ACKR2: variants seen among roughly 807,000 people sequenced by gnomAD.
The protein encoded by ACKR2 is atypical chemokine receptor 2, also known as C-C chemokine receptor D6.
For missense variants in ACKR2, 457 were observed against 477.3 expected (o/e 0.96, Z 0.40); for synonymous variants, 207 against 192.2 (o/e 1.08, Z -0.64).
At chr3:42,819,199 T>G (rs569877768) in intron 1 of ACKR2, among the ~76,000 whole-genome samples, 9 of 152,314 alleles carry the variant, frequency 5.9e-5, no homozygotes, top group Middle Eastern at 3.4e-3. Context: ...TAGGAAGACT[T>G]TGGTCTTTAT....
chr3:42,864,683 C>T lies in ACKR2; in HGVS notation c.181C>T (p.Leu61Phe), dbSNP rs564198715. 129 of 1,614,086 alleles carry T rather than the reference C, an allele frequency of 8.0e-5. No individual in the cohort carries two copies. The highest frequency in any genetic ancestry group is 1.1e-4 in the Non-Finnish European group (129 of 1,180,062). The part of the protein sequence containing the change: ...VFYSLIFVLG[L>F]SGNLLLLMVL... ...CTATAGCCTGATTTTTGTGTTGGGC[C>T]TCAGCGGGAACCTCCTTCTTCTCAT... is the stretch of plus-strand genomic sequence containing the variant. The change falls in exon 3 of 3, where the codon CTC becomes TTC. Residue 61 changes from leucine to phenylalanine, a missense_variant. By Grantham distance (22) the Leu-to-Phe change is conservative. Transcript: ENST00000422265.
chr3:42,837,341 G>A (rs567458163), intron 2 of ACKR2, among the ~76,000 whole-genome samples: 47 of 152,036 alleles, frequency 3.1e-4, no homozygotes, highest in Admixed American at 1.8e-3. Context: ...CTCAACCTCC[G>A]GAGTAGCTGG....
chr3:42,815,269 A>G (rs768824314), intron 1 of ACKR2, among the ~76,000 whole-genome samples: 7 of 152,222 alleles, frequency 4.6e-5, no homozygotes, highest in Non-Finnish European at 7.3e-5. Context: ...CATACTGTGT[A>G]TTGAGACCAT....
intron 1 of ACKR2, among the ~76,000 whole-genome samples, chr3:42,818,222 T>C (rs1209079119): frequency 6.6e-6 from 1 of 152,164 alleles, no homozygotes; most frequent in Non-Finnish European, 1.5e-5. Flanking sequence ...TCTCTACATC[T>C]CTCTCCGCAC....
chr3:42,824,454 C>G (rs1700841547), intron 2 of ACKR2, among the ~76,000 whole-genome samples: 1 of 152,156 alleles, frequency 6.6e-6, no homozygotes. Flanking sequence ...TGTCTAAAAT[C>G]AGAACATTTT....
intron 2 of ACKR2, among the ~76,000 whole-genome samples, chr3:42,842,137 C>A (rs1049518067): frequency 6.6e-6 from 1 of 152,186 alleles, no homozygotes; most frequent in Non-Finnish European, 1.5e-5. Flanking sequence ...AGGTTGAGGC[C>A]TTTCTGGGCA....
chr3:42,849,643 G>A (rs1701132193), intron 2 of ACKR2, among the ~76,000 whole-genome samples: 1 of 152,238 alleles, frequency 6.6e-6, no homozygotes, highest in Non-Finnish European at 1.5e-5. Flanking sequence ...AAAGGAAAGT[G>A]ATGGACAGAA....
rs2088413907 is a variant in ACKR2, at chr3:42,864,521, C to A, written c.19C>A (p.Pro7Thr). 1.2e-6 allele frequency: 2 copies of A among 1,604,724 alleles called. No homozygotes were observed. Among genetic ancestry groups the A allele is most frequent in the African/African-American group, 2.7e-5 (2 of 74,818 alleles). The change falls in exon 3 of 3, where the codon CCG (proline) becomes ACG (threonine). Residue 7 changes from proline to threonine, a missense_variant. By Grantham distance (38) the Pro-to-Thr change is conservative. Coordinates refer to ENST00000422265, the MANE Select transcript of ACKR2 (RefSeq NM_001296.5). MAATASPQPLATEDADS... is the reference protein window; with the variant it reads MAATASTQPLATEDADS... ...TTCCAACATGGCCGCCACTGCCTCT[C>A]CGCAGCCACTCGCCACTGAGGATGC...
intron 2 of ACKR2, among the ~76,000 whole-genome samples, chr3:42,828,092 A>ATATATATATATTTTTTTTTT (rs1193533555): frequency 8.2e-6 from 1 of 121,902 alleles, no homozygotes; most frequent in Non-Finnish European, 1.7e-5. Flanking sequence ...ATATATATAT[A>ATATATATATATTTTTTTTTT]TTTTTTTTTT....
At chr3:42,818,256 C>T (rs113383971) in intron 1 of ACKR2, among the ~76,000 whole-genome samples, 82 of 152,336 alleles carry the variant, frequency 5.4e-4, no homozygotes, top group Admixed American at 3.3e-3. Context: ...CTCCTAAATT[C>T]CCTGACGTGT....
Position 42,865,169 on chromosome 3 carries a change from C to G in ACKR2, c.667C>G (p.Leu223Val), listed in dbSNP as rs146146689. Residue 223 changes from leucine to valine, a missense_variant, in exon 3 of 3, where the codon CTC becomes GTC. Coordinates refer to ENST00000422265, the MANE Select transcript of ACKR2 (RefSeq NM_001296.5). ...GAACCTCCTAGGGTTTCTCCTTCCA[C>G]TCCTTGCCATGATCTTCTTCTACTC... ...QQNLLGFLLP[L>V]LAMIFFYSRI... The G allele has an allele frequency of 1.5e-5, 25 of 1,614,194 alleles. No individual in the cohort carries two copies. In the African/African-American group the frequency reaches 3.1e-4, roughly 20 times the overall value.
chr3:42,823,091 A>C (rs1700825570), intron 2 of ACKR2, among the ~76,000 whole-genome samples: 1 of 152,120 alleles, frequency 6.6e-6, no homozygotes, highest in Non-Finnish European at 1.5e-5. Flanking sequence ...TTATTCCACC[A>C]GGCCCCACAT....
chr3:42,864,681 G>C lies in ACKR2; in HGVS notation c.179G>C (p.Gly60Ala). ...TTCTATAGCCTGATTTTTGTGTTGG[G>C]CCTCAGCGGGAACCTCCTTCTTCTC... The part of the protein sequence containing the change: ...PVFYSLIFVL[G>A]LSGNLLLLMV... The change falls in exon 3 of 3, where the codon GGC becomes GCC. Residue 60 changes from glycine to alanine, a missense_variant. By Grantham distance (60) the Gly-to-Ala change is moderately conservative (BLOSUM62 0). Transcript: ENST00000422265. 1 of 1,614,150 alleles carries C rather than the reference G, an allele frequency of 6.2e-7. No individual in the cohort carries two copies. The highest frequency in any genetic ancestry group is 8.5e-7 in the Non-Finnish European group (1 of 1,180,020).
At chr3:42,840,259 CAAA>C (rs34830187) in intron 2 of ACKR2, among the ~76,000 whole-genome samples, 42 of 34,662 alleles carry the variant, frequency 1.2e-3, no homozygotes, top group African/African-American at 2.9e-3. Context: ...GACTCCGTCT[CAAA>C]AAAAAAAAAA....
At chr3:42,813,664 T>C (rs186453206) in intron 1 of ACKR2, among the ~76,000 whole-genome samples, 1 of 152,336 alleles carries the variant, frequency 6.6e-6, no homozygotes, top group East Asian at 1.9e-4. Context: ...ACAATTTGAC[T>C]TGAGATTTGG....
At chr3:42,814,024 G>A (rs373485273) in intron 1 of ACKR2, among the ~76,000 whole-genome samples, 1 of 152,136 alleles carries the variant, frequency 6.6e-6, no homozygotes, top group African/African-American at 2.4e-5. Flanking sequence ...AGGTTTTGTT[G>A]CCTGTTTGTG....
intron 2 of ACKR2, among the ~76,000 whole-genome samples, chr3:42,844,714 A>G (rs1701074578): frequency 6.6e-6 from 1 of 152,172 alleles, no homozygotes; most frequent in Non-Finnish European, 1.5e-5. Context: ...TAGATGAGAA[A>G]ATATGATTGT....
chr3:42,832,792 C>T (rs1014187905), intron 2 of ACKR2, among the ~76,000 whole-genome samples: 6 of 152,108 alleles, frequency 3.9e-5, no homozygotes, highest in Admixed American at 6.5e-5. Flanking sequence ...TTCCTAGGCT[C>T]AAGCGATTCT....
chr3:42,828,084 A>ATG (rs1700887972), intron 2 of ACKR2, among the ~76,000 whole-genome samples: 1 of 94,828 alleles, frequency 1.1e-5, no homozygotes, highest in Non-Finnish European at 2.3e-5. Context: ...TTATATATAT[A>ATG]TATATATATT....
Sources: allele counts gnomAD v4.1 joint callset (sites outside exome capture counted in the v4.1 genomes callset), GRCh38; gene constraint gnomAD v4.1.1; transcripts MANE v1.5; gene names NCBI Gene and HGNC (gene_info 2026-07-23, HGNC 2026-07-21).